The following HTR4 variants were observed in gnomAD, a reference collection of about 807,000 sequenced individuals.
HTR4 encodes 5-hydroxytryptamine (serotonin) receptor 4, G protein-coupled.
Under a neutral mutation model 36.8 loss-of-function variants are expected in HTR4, and 16 were observed. The ratio of observed to expected loss-of-function variants is 0.43; its 90% CI spans 0.29 to 0.66. The LOEUF (loss-of-function observed/expected upper bound fraction) is 0.66. Among genes scored for constraint, HTR4 ranks in the 30% least tolerant of loss-of-function variants. HTR4 has a pLI of 0.13. For missense variants in HTR4, 438 were observed against 490.9 expected (o/e 0.89, Z 1.02); for synonymous variants, 189 against 185.1 (o/e 1.02, Z -0.17).
intron 2 of HTR4, among the ~76,000 whole-genome samples, chr5:148,558,748 T>C (rs1170072667): frequency 1.3e-5 from 2 of 152,194 alleles, no homozygotes; most frequent in South Asian, 2.1e-4. Context: ...CTGTCCTTTG[T>C]TGTAGTGAAG....
chr5:148,531,880 C>T (rs1026020629), intron 4 of HTR4, among the ~76,000 whole-genome samples: 6 of 152,150 alleles, frequency 3.9e-5, no homozygotes, highest in East Asian at 1.9e-4. Flanking sequence ...TGACTTTGCT[C>T]ACCAGGGGAC....
intron 5 of HTR4, among the ~76,000 whole-genome samples, chr5:148,461,093 G>T (rs900348908): frequency 6.6e-6 from 1 of 151,670 alleles, no homozygotes; most frequent in Admixed American, 6.6e-5. Context: ...CAACTCTAGG[G>T]CAACCACTAA....
chr5:148,633,886 C>T (rs552393737), intron 2 of HTR4, among the ~76,000 whole-genome samples: 183 of 152,202 alleles, frequency 1.2e-3, no homozygotes, highest in Middle Eastern at 3.4e-3. Flanking sequence ...CAGCATTTTT[C>T]ATAGTAATTC....
intron 4 of HTR4, among the ~76,000 whole-genome samples, chr5:148,525,577 C>T (rs951971603): frequency 2.0e-5 from 3 of 152,142 alleles, no homozygotes; most frequent in Non-Finnish European, 4.4e-5. Flanking sequence ...GGCAAGTCAG[C>T]AGAGGGCTTT....
chr5:148,489,487 G>T (rs1756313936), intron 6 of HTR4, among the ~76,000 whole-genome samples: 1 of 152,160 alleles, frequency 6.6e-6, no homozygotes, highest in African/African-American at 2.4e-5. Flanking sequence ...GGGATAAGCT[G>T]AGCTTCCTAA....
At chr5:148,575,864 A>T (rs13358322) in intron 2 of HTR4, among the ~76,000 whole-genome samples, 1 of 151,964 alleles carries the variant, frequency 6.6e-6, no homozygotes, top group Non-Finnish European at 1.5e-5. Context: ...ATGCAACATA[A>T]TATTGGAAGT....
At chr5:148,614,335 T>G (rs1581548173) in intron 2 of HTR4, among the ~76,000 whole-genome samples, 2 of 151,638 alleles carry the variant, frequency 1.3e-5, no homozygotes. Flanking sequence ...AAAACAGAGA[T>G]ATAGATCAAT....
At chr5:148,520,533 G>A (rs558754457) in intron 5 of HTR4, among the ~76,000 whole-genome samples, 4 of 152,212 alleles carry the variant, frequency 2.6e-5, no homozygotes, top group Non-Finnish European at 5.9e-5. Context: ...TCCAAAGCCC[G>A]GGCTCAGATA....
intron 5 of HTR4, among the ~76,000 whole-genome samples, chr5:148,462,993 G>A (rs974952689): frequency 6.6e-6 from 1 of 151,826 alleles, no homozygotes; most frequent in African/African-American, 2.4e-5. Flanking sequence ...GGTAAACTAA[G>A]ACTAGAGGAG....
Position 148,482,534 on chromosome 5 carries a change from G to T in HTR4, c.*669C>A. ...CCTGTGTCTTCCATGGAAAATAAAT[G>T]GAGCATGTCCTGAAGAGGAGGACAG... On this transcript the variant is annotated 3_prime_UTR_variant, in exon 7 of 7. Coordinates refer to ENST00000377888, the MANE Select transcript of HTR4 (RefSeq NM_000870.7). 1 of 985,650 alleles carries T rather than the reference G, an allele frequency of 1.0e-6. No homozygotes were observed. The highest frequency in any genetic ancestry group is 1.2e-6 in the Non-Finnish European group (1 of 830,096). 61.1% of individuals were successfully genotyped at this position (985,650 alleles called of 1,614,324 possible).
At chr5:148,475,914 G>A (rs1442338442), downstream of HTR4, among the ~76,000 whole-genome samples, 1 of 152,188 alleles carries the variant, frequency 6.6e-6, no homozygotes, top group Admixed American at 6.5e-5. Context: ...TCCAAGAGTT[G>A]AGGAACTTGC....
intron 6 of HTR4, among the ~76,000 whole-genome samples, chr5:148,485,066 G>A (rs1463528732): frequency 1.3e-5 from 2 of 151,988 alleles, no homozygotes; most frequent in African/African-American, 4.8e-5. Context: ...AGGGAAAGAG[G>A]GAGAGAGGGA....
At chr5:148,545,700 T>C (rs540028566) in intron 4 of HTR4, among the ~76,000 whole-genome samples, 1 of 152,056 alleles carries the variant, frequency 6.6e-6, no homozygotes, top group African/African-American at 2.4e-5. Context: ...CCTGGAGAAC[T>C]AGAAAGAAGG....
chr5:148,496,517 A>G (rs145891870), intron 6 of HTR4, among the ~76,000 whole-genome samples: 2 of 152,364 alleles, frequency 1.3e-5, no homozygotes, highest in East Asian at 1.9e-4. Context: ...GAAAGAACCT[A>G]TGGCCAAATA....
At chr5:148,609,802 G>A (rs746523683) in intron 2 of HTR4, among the ~76,000 whole-genome samples, 8 of 152,214 alleles carry the variant, frequency 5.3e-5, no homozygotes, top group South Asian at 4.1e-4. Context: ...TCCTGAACTC[G>A]TGATCCACCC....
chr5:148,640,882 C>T (rs1043595510), intron 1 of HTR4, among the ~76,000 whole-genome samples: 1 of 152,116 alleles, frequency 6.6e-6, no homozygotes, highest in Non-Finnish European at 1.5e-5. Flanking sequence ...ATATTCATAG[C>T]ATATAGATTG....
intron 2 of HTR4, among the ~76,000 whole-genome samples, chr5:148,579,957 C>G (rs547958055): frequency 3.5e-4 from 53 of 152,040 alleles, no homozygotes; most frequent in African/African-American, 1.2e-3. Context: ...ATTTTGGAAC[C>G]TTAATATTAC....
At chr5:148,649,737 T>C (rs1377819615) in intron 1 of HTR4, among the ~76,000 whole-genome samples, 2 of 151,040 alleles carry the variant, frequency 1.3e-5, no homozygotes, top group African/African-American at 4.8e-5. Context: ...TTAGTAAGAA[T>C]GTCAATTCAT....
chr5:148,595,060 A>T (rs970928954), intron 2 of HTR4, among the ~76,000 whole-genome samples: 1 of 151,916 alleles, frequency 6.6e-6, no homozygotes, highest in Non-Finnish European at 1.5e-5. Context: ...AACCATTGTT[A>T]TACTTTTTTC....
Sources: gnomAD v4.1 joint callset for allele counts (sites outside exome capture counted in the v4.1 genomes callset) on GRCh38, gnomAD v4.1.1 for gene constraint, MANE v1.5 for transcripts, NCBI Gene and HGNC (gene_info 2026-07-23, HGNC 2026-07-21) for gene names.